The following GOLGA8S variants were observed in gnomAD, a reference collection of about 807,000 sequenced individuals.
GOLGA8S encodes the protein golgin subfamily A member 8S.
In GOLGA8S, 23 loss-of-function variants were observed where a neutral mutation model predicts 58.9. The observed-to-expected ratio is 0.39, with a 90% CI of 0.28 to 0.55. The LOEUF is 0.55. GOLGA8S is among the 20% of genes least tolerant of loss of function. The probability of loss-of-function intolerance (pLI) is 0.63; values close to 1 mark genes in which losing one functional copy is unlikely to be tolerated. For missense variants in GOLGA8S, 266 were observed against 514.2 expected (o/e 0.52, Z 4.67); for synonymous variants, 84 against 195.7 (o/e 0.43, Z 4.76).
At position 23,362,599 on chromosome 15, in the gene GOLGA8S, A is replaced by G. The variant is rs894983741; in HGVS notation, c.1180-566A>G. ...ATTTAGCAGATGGTGGTTGGCTCCCACTACTTTTCTACCATTCTGTGGCCT... is the reference window on the plus strand; with the variant it reads ...ATTTAGCAGATGGTGGTTGGCTCCCGCTACTTTTCTACCATTCTGTGGCCT... On this transcript the variant is annotated intron_variant, in intron 13 of 18. Coordinates refer to ENST00000562295, the Ensembl canonical transcript of GOLGA8S. Among the ~76,000 whole-genome samples the G allele has an allele frequency of 2.2e-5, 3 of 139,370 alleles. 1 individual carries two copies. Among genetic ancestry groups the G allele is most frequent in the African/African-American group, 8.3e-5 (3 of 36,052 alleles). 91.4% of individuals were successfully genotyped at this position (139,370 alleles called of 152,430 possible).
chr15:23,362,085 T>C lies in GOLGA8S; in HGVS notation c.1179+293T>C, dbSNP rs1724643. On this transcript the variant is annotated intron_variant, in intron 13 of 18. Coordinates refer to ENST00000562295, the Ensembl canonical transcript of GOLGA8S. ...GGTATAACAGTCTTCTTATGCCAGA[T>C]GCGGTGGCTTACGCCTATAGTGCCA... Among the ~76,000 whole-genome samples the C allele has an allele frequency of 8.2e-3, 1,209 of 147,518 alleles. 31 individuals are homozygous for C. The highest frequency in any genetic ancestry group is 0.027 in the African/African-American group (1,045 of 39,330).
chr15:23,357,832 T>G (rs983055914), intron 4 of GOLGA8S, among the ~76,000 whole-genome samples: 1 of 150,016 alleles, frequency 6.7e-6, no homozygotes, highest in Non-Finnish European at 1.5e-5. Flanking sequence ...CAGATGCCCC[T>G]GCTCGAGTCC....
chr15:23,361,406 G>A (rs770480356), exon 12 of GOLGA8S: 1 of 968,656 alleles, frequency 1.0e-6, no homozygotes, highest in Non-Finnish European at 1.7e-6. Context: ...TCCAGAGCAG[G>A]AGGAGAGGCT....
intron 15 of GOLGA8S, among the ~76,000 whole-genome samples, chr15:23,364,081 A>G (rs1431288518): frequency 7.4e-6 from 1 of 135,776 alleles, no homozygotes. Context: ...CACAGTTACA[A>G]GAGCAGGTGA....
chr15:23,361,461 G>T lies in GOLGA8S; in HGVS notation c.1110+5G>T, dbSNP rs551174118. ...CAGAACAGCTTCAAGGAGCTGGTGCGTTGCCCCAGCTGGGGAGCCTGCCCT... is the reference window on the plus strand; with the variant it reads ...CAGAACAGCTTCAAGGAGCTGGTGCTTTGCCCCAGCTGGGGAGCCTGCCCT... On this transcript the variant is annotated splice_donor_5th_base_variant and intron_variant, in intron 12 of 18. Coordinates refer to ENST00000562295, the Ensembl canonical transcript of GOLGA8S. 2 of 773,654 alleles carry T rather than the reference G, an allele frequency of 2.6e-6. No individual in the cohort carries two copies. The highest frequency in any genetic ancestry group is 2.7e-5 in the South Asian group (2 of 74,016). The allele number at this position is 773,654 out of a possible 1,614,324, so 47.9% of individuals were successfully genotyped here.
At position 23,364,449 on chromosome 15, in the gene GOLGA8S, T is replaced by C. The variant is rs554005107; in HGVS notation, c.1448+6T>C. ...TGGCAAGAGAGATGCCATCAGTGAG[T>C]GGGAGGCCAGGGCACAGCAGGGGGA... On this transcript the variant is annotated splice_donor_region_variant and intron_variant, in intron 16 of 18. Transcript: ENST00000562295. 13 of 1,605,068 alleles carry C rather than the reference T, an allele frequency of 8.1e-6. No homozygotes were observed. The Middle Eastern group carries it at 8.8e-4, about 108-fold the overall frequency.
chr15:23,364,631 G>A lies in GOLGA8S; in HGVS notation c.1546+8G>A. ...CTCAGGGAGGAGATGAAGGTAGGGT[G>A]TGCAACATCTCTGTGGGGGTGGGGG... On this transcript the variant is annotated splice_region_variant and intron_variant, in intron 17 of 18. Coordinates refer to ENST00000562295, the Ensembl canonical transcript of GOLGA8S. The A allele has an allele frequency of 4.9e-6, 6 of 1,216,954 alleles. No homozygotes were observed. The highest frequency in any genetic ancestry group is 5.6e-6 in the Non-Finnish European group (5 of 891,730). The allele number at this position is 1,216,954 out of a possible 1,614,324, so 75.4% of individuals were successfully genotyped here.
chr15:23,366,571 C>T (rs75009790), downstream of GOLGA8S: 3 of 151,980 alleles, frequency 2.0e-5, no homozygotes, highest in South Asian at 2.1e-4. Context: ...AGGAAACGTG[C>T]CTATACAATC....
At chr15:23,367,712 G>T (rs901019703), downstream of GOLGA8S, among the ~76,000 whole-genome samples, 2 of 151,558 alleles carry the variant, frequency 1.3e-5, no homozygotes, top group Non-Finnish European at 2.9e-5. Flanking sequence ...TTCCTCATTC[G>T]GTATAAGGCA....
chr15:23,366,752 GA>G (rs1215930904), downstream of GOLGA8S: 1 of 150,164 alleles, frequency 6.7e-6, no homozygotes, highest in Non-Finnish European at 1.5e-5. Flanking sequence ...TGATGCTTGG[GA>G]AAGACTCAAC....
At position 23,364,396 on chromosome 15, in the gene GOLGA8S, G is replaced by GA. The variant is rs2069870715; in HGVS notation, c.1404dup (p.Gln469ThrfsTer47). 1 of 1,602,126 alleles carries GA rather than the reference G, an allele frequency of 6.2e-7. No individual in the cohort carries two copies. The highest frequency in any genetic ancestry group is 1.3e-5 in the African/African-American group (1 of 74,782). ...AGGCAGACCTGAGTGAGCTGGTGAA[G>GA]AAACAAGAACTTCGCTTCATTCAAT... On this transcript the variant is annotated frameshift_variant, in exon 16 of 19. Transcript: ENST00000562295. LOFTEE classifies it high-confidence loss of function.
Position 23,357,981 on chromosome 15 carries a change from C to T in GOLGA8S, c.309+362C>T, listed in dbSNP as rs561374344. On this transcript the variant is annotated intron_variant, in intron 4 of 18. Transcript: ENST00000562295. The stretch of plus-strand genomic sequence containing the variant: ...ACAAGCCACCTCTCCTTTTTGGGCT[C>T]ATGTTTCCATGAAGTAGTGAGTATC... Among the ~76,000 whole-genome samples the T allele has an allele frequency of 1.7e-3, 252 of 149,712 alleles. 13 individuals carry two copies. Among genetic ancestry groups the T allele is most frequent in the African/African-American group, 5.7e-3 (233 of 40,550 alleles).
Position 23,360,782 on chromosome 15 carries a change from G to A in GOLGA8S, c.841G>A (p.Glu281Lys), listed in dbSNP as rs771509774. 6 of 1,428,802 alleles carry A rather than the reference G, an allele frequency of 4.2e-6. 1 individual carries two copies. The East Asian group carries it at 1.1e-4, about 27-fold the overall frequency. The allele number at this position is 1,428,802 out of a possible 1,614,324, so 88.5% of individuals were successfully genotyped here. A position where few individuals can be genotyped will look rare whatever the true frequency, so the allele number is the denominator to read the frequency against. The change falls in exon 11 of 19, where the codon GAG (glutamate) becomes AAG (lysine). Residue 281 changes from glutamate (E) to lysine (K), a missense_variant. Physicochemically the swap from Glu to Lys is moderately conservative, Grantham distance 56. Coordinates refer to ENST00000562295, the Ensembl canonical transcript of GOLGA8S. Reference sequence around the variant, plus strand: ...TGATAAATATCGGGTAGAGACGCTGGAGAGGAGCTTGTCCAAACTCAAAAA... The same window carrying A: ...TGATAAATATCGGGTAGAGACGCTGAAGAGGAGCTTGTCCAAACTCAAAAA...
rs1320864643 is a variant in GOLGA8S, at chr15:23,359,658, A to G, written c.591+449A>G. Among the ~76,000 whole-genome samples the G allele has an allele frequency of 2.1e-5, 3 of 143,558 alleles. 1 individual carries two copies. The highest frequency in any genetic ancestry group is 4.6e-5 in the Non-Finnish European group (3 of 64,730). The allele number at this position is 143,558 out of a possible 152,430, so 94.2% of individuals were successfully genotyped here. Reference sequence around the variant, plus strand: ...GAGAGCAACAGGGTGGCTGGGAGATACTTCCCTTCTGTACCTTCTGAGTCT... The same window carrying G: ...GAGAGCAACAGGGTGGCTGGGAGATGCTTCCCTTCTGTACCTTCTGAGTCT... On this transcript the variant is annotated intron_variant, in intron 8 of 18. Coordinates refer to ENST00000562295, the Ensembl canonical transcript of GOLGA8S.
At chr15:23,362,114 C>CT (rs1345034252) in intron 13 of GOLGA8S, among the ~76,000 whole-genome samples, 1 of 149,352 alleles carries the variant, frequency 6.7e-6, no homozygotes, top group African/African-American at 2.5e-5. Context: ...AGTGCCAACA[C>CT]TTTGGGAGGC....
rs1379973113 is a variant in GOLGA8S, at chr15:23,364,046, G to T, written c.1347+277G>T. ...TCAGGTGGCATTTTTCAAGTCCGCT[G>T]GAGCTAGTGCCCAGGAGAAGCAGGC... On this transcript the variant is annotated intron_variant, in intron 15 of 18. Transcript: ENST00000562295. 2.2e-5 allele frequency among the ~76,000 whole-genome samples: 3 copies of T among 137,028 alleles called. 1 individual carries two copies. Among genetic ancestry groups the T allele is most frequent in the Non-Finnish European group, 1.6e-5 (1 of 63,534 alleles). The allele number at this position is 137,028 out of a possible 152,430, so 89.9% of individuals were successfully genotyped here.
chr15:23,365,455 C>T (rs2069904975), downstream of GOLGA8S: 1 of 455,832 alleles, frequency 2.2e-6, no homozygotes, highest in African/African-American at 2.0e-5. Flanking sequence ...TTGCCCAAAA[C>T]TGTTCTCGCT....
chr15:23,361,946 G>T lies in GOLGA8S; in HGVS notation c.1179+154G>T. Reference sequence around the variant, plus strand: ...CAGGGCAGTCCTGTGGCTGTTTCTTGCTTCCTGCCCTCTGATTTTAGAGGT... The same window carrying T: ...CAGGGCAGTCCTGTGGCTGTTTCTTTCTTCCTGCCCTCTGATTTTAGAGGT... On this transcript the variant is annotated intron_variant, in intron 13 of 18. Transcript: ENST00000562295. 6.5e-6 allele frequency: 4 copies of T among 616,290 alleles called. 1 individual carries two copies. Among genetic ancestry groups the T allele is most frequent in the South Asian group, 3.7e-5 (2 of 54,590 alleles). 38.2% of individuals were successfully genotyped at this position (616,290 alleles called of 1,614,324 possible). A position where few individuals can be genotyped will look rare whatever the true frequency, so the allele number is the denominator to read the frequency against.
chr15:23,360,042 A>C (rs534904420), intron 8 of GOLGA8S, among the ~76,000 whole-genome samples, 187 bp from the exon 9 acceptor site: 1 of 148,964 alleles, frequency 6.7e-6, no homozygotes, highest in East Asian at 1.9e-4. Context: ...TCTGTTAGCC[A>C]GCTATAAATT....
Sources: gnomAD v4.1 joint callset for allele counts (sites outside exome capture counted in the v4.1 genomes callset) on GRCh38, gnomAD v4.1.1 for gene constraint, MANE v1.5 for transcripts, NCBI Gene and HGNC (gene_info 2026-07-23, HGNC 2026-07-21) for gene names.